NT5C2: variants seen among roughly 807,000 people sequenced by gnomAD.
NT5C2 encodes the protein cytosolic purine 5'-nucleotidase.
NT5C2 carries 58 observed loss-of-function variants against 76.1 expected under a neutral mutation model. The observed-to-expected ratio is 0.76, with a 90% CI of 0.62 to 0.95. The LOEUF is 0.95. Ranked by LOEUF, NT5C2 falls within the 40% of genes least tolerant of loss-of-function variation. The pLI is 0.00. For synonymous variants in NT5C2, 229 were observed against 237.4 expected (o/e 0.96, Z 0.32); for missense variants, 478 against 690.3 (o/e 0.69, Z 3.45).
chr10:103,096,993 T>C (rs1032168813), intron 11 of NT5C2, among the ~76,000 whole-genome samples: 3 of 151,194 alleles, frequency 2.0e-5, no homozygotes, highest in Admixed American at 6.6e-5. Flanking sequence ...CTCAAGTTTA[T>C]AGAAATGATG....
intron 3 of NT5C2, among the ~76,000 whole-genome samples, chr10:103,172,608 G>A (rs549066066): frequency 1.3e-5 from 2 of 152,192 alleles, no homozygotes; most frequent in South Asian, 4.1e-4. Context: ...GGCTGAGGCG[G>A]GTGGATCACT....
intron 4 of NT5C2, among the ~76,000 whole-genome samples, chr10:103,111,991 C>T (rs893084601): frequency 2.0e-5 from 3 of 152,166 alleles, no homozygotes; most frequent in Non-Finnish European, 4.4e-5. Flanking sequence ...CATAACAAAA[C>T]AAGGGTATTG....
chr10:103,186,599 G>A (rs1033981459), intron 1 of NT5C2, among the ~76,000 whole-genome samples: 8 of 152,140 alleles, frequency 5.3e-5, no homozygotes, highest in African/African-American at 1.4e-4. Flanking sequence ...AAAAGTAAAC[G>A]AGTAATTCAA....
chr10:103,176,837 T>C (rs988613052), intron 2 of NT5C2, among the ~76,000 whole-genome samples: 5 of 152,182 alleles, frequency 3.3e-5, no homozygotes, highest in African/African-American at 1.2e-4. Flanking sequence ...ATCTTACTCA[T>C]GTGGAAACCT....
chr10:103,177,190 A>G (rs1442265736), intron 2 of NT5C2, among the ~76,000 whole-genome samples: 4 of 152,228 alleles, frequency 2.6e-5, no homozygotes, highest in African/African-American at 4.8e-5. Context: ...TTTTTCTGTA[A>G]TAACTTATTT....
intron 3 of NT5C2, among the ~76,000 whole-genome samples, chr10:103,161,022 T>C (rs1252366874): frequency 6.6e-6 from 1 of 151,884 alleles, no homozygotes; most frequent in Non-Finnish European, 1.5e-5. Context: ...AAAAAGGCAG[T>C]AAGTGTGATG....
chr10:103,163,478 G>A (rs2085458784), intron 3 of NT5C2, among the ~76,000 whole-genome samples: 1 of 152,040 alleles, frequency 6.6e-6, no homozygotes. Flanking sequence ...TATTGTAACA[G>A]GCATATATAC....
At chr10:103,135,561 G>A (rs1010115878) in intron 4 of NT5C2, among the ~76,000 whole-genome samples, 4 of 151,952 alleles carry the variant, frequency 2.6e-5, no homozygotes, top group Non-Finnish European at 5.9e-5. Flanking sequence ...GATCACCTGA[G>A]GTCAGGAGTT....
chr10:103,142,507 C>T (rs1290634289), intron 3 of NT5C2, among the ~76,000 whole-genome samples: 1 of 151,812 alleles, frequency 6.6e-6, no homozygotes, highest in Non-Finnish European at 1.5e-5. Context: ...CCCGTCTCCA[C>T]AAAAAATACA....
chr10:103,109,567 G>A (rs2072377021), intron 4 of NT5C2, among the ~76,000 whole-genome samples: 1 of 152,134 alleles, frequency 6.6e-6, no homozygotes, highest in Non-Finnish European at 1.5e-5. Flanking sequence ...GTAATCTACT[G>A]ACATTTATTC....
chr10:103,142,191 G>T (rs1188258304), intron 3 of NT5C2, among the ~76,000 whole-genome samples: 1 of 151,980 alleles, frequency 6.6e-6, no homozygotes, highest in Non-Finnish European at 1.5e-5. Context: ...GGTTAGTAGG[G>T]GTCAAAATCC....
intron 4 of NT5C2, among the ~76,000 whole-genome samples, chr10:103,124,482 T>C (rs1445670472): frequency 6.6e-6 from 1 of 152,192 alleles, no homozygotes; most frequent in African/African-American, 2.4e-5. Flanking sequence ...TATTGGTATT[T>C]TTCTCCTTAT....
Position 103,182,096 on chromosome 10 carries a change from T to C in NT5C2, c.-168-768A>G, listed in dbSNP as rs985204236. Among the ~76,000 whole-genome samples, 11 of 152,274 alleles carry C rather than the reference T, an allele frequency of 7.2e-5. No homozygotes were observed. In the South Asian group the frequency reaches 1.0e-3, roughly 14 times the overall value. On this transcript the variant is annotated intron_variant, in intron 1 of 18. Coordinates refer to ENST00000404739, the MANE Select transcript of NT5C2 (RefSeq NM_001351169.2). Reference sequence around the variant, plus strand: ...ACAAAATGCCACGCTGCTAGAGTTATACATTGGCAAACGCTCTTTAAAAAG... The same window carrying C: ...ACAAAATGCCACGCTGCTAGAGTTACACATTGGCAAACGCTCTTTAAAAAG...
At chr10:103,106,740 A>C (rs758529274) in intron 4 of NT5C2, 34 bp from the exon 5 acceptor site, 2 of 1,223,476 alleles carry the variant, frequency 1.6e-6, no homozygotes. Context: ...TAGTTAGCAG[A>C]AAGAACAGCC....
chr10:103,170,449 G>C (rs1222694361), intron 3 of NT5C2, among the ~76,000 whole-genome samples: 1 of 150,908 alleles, frequency 6.6e-6, no homozygotes, highest in Non-Finnish European at 1.5e-5. Context: ...AATATTCCAG[G>C]AAATACCATT....
At chr10:103,135,335 A>G (rs531520309) in intron 4 of NT5C2, among the ~76,000 whole-genome samples, 2 of 152,294 alleles carry the variant, frequency 1.3e-5, no homozygotes, top group African/African-American at 2.4e-5. Context: ...GTAATAGTGA[A>G]TAAGTCTCAT....
chr10:103,156,840 G>A (rs548843776), intron 3 of NT5C2, among the ~76,000 whole-genome samples: 18 of 151,708 alleles, frequency 1.2e-4, no homozygotes, highest in South Asian at 8.3e-4. Flanking sequence ...GGCAGATCAC[G>A]AGGTCAGGAG....
intron 4 of NT5C2, among the ~76,000 whole-genome samples, chr10:103,126,155 G>A (rs1453084417): frequency 6.6e-6 from 1 of 152,122 alleles, no homozygotes; most frequent in Non-Finnish European, 1.5e-5. Context: ...GCACCCGACA[G>A]GTCTAATTAA....
At chr10:103,158,406 A>T (rs1374035828) in intron 3 of NT5C2, among the ~76,000 whole-genome samples, 2 of 152,176 alleles carry the variant, frequency 1.3e-5, no homozygotes, top group African/African-American at 4.8e-5. Context: ...TTAAATATAT[A>T]TATACAAAAT....
Sources: gnomAD v4.1 joint callset for allele counts (sites outside exome capture counted in the v4.1 genomes callset) on GRCh38, gnomAD v4.1.1 for gene constraint, MANE v1.5 for transcripts, NCBI Gene and HGNC (gene_info 2026-07-23, HGNC 2026-07-21) for gene names.